Variants in RGS3 observed in about 807,000 individuals in gnomAD.
RGS3 encodes regulator of G protein signaling 3.
RGS3 carries 80 observed loss-of-function variants against 132.6 expected under a neutral mutation model. The observed-to-expected ratio is 0.60, with a 90% confidence interval of 0.50 to 0.73. RGS3 has a LOEUF of 0.73. RGS3 is among the 30% of genes least tolerant of loss of function. The probability of loss-of-function intolerance (pLI) is 0.00; values close to 1 mark genes in which losing one functional copy is unlikely to be tolerated. For missense variants in RGS3, 1,382 were observed against 1,530.8 expected, an observed-to-expected ratio of 0.90 and a Z score of 1.62; for synonymous variants, 598 against 620.6, an observed-to-expected ratio of 0.96 and a Z score of 0.54.
intron 6 of RGS3, 95 bp downstream of exon 4, chr9:113,484,327 CAAAAAAAA>C (rs775299940): frequency 1.3e-5 from 1 of 79,690 alleles, no homozygotes; most frequent in South Asian, 4.0e-4. Context: ...TAGATCTATG[CAAAAAAAA>C]AAAAAAAAAA....
At position 113,463,887 on chromosome 9, in the gene RGS3, T is replaced by A; in HGVS notation, c.415+1686T>A. On this transcript the variant is annotated intron_variant, in intron 3 of 24. Coordinates refer to ENST00000350696, the Ensembl canonical transcript of RGS3. The surrounding 1 kb of genome is among the most constrained non-coding windows in gnomAD (Gnocchi z 4.6). Reference sequence around the variant, plus strand: ...CTTCTACCTCACCACCTTTGGTAAGTGCCCGCTGGGGCTGGCGGCAGGGGC... The same window carrying A: ...CTTCTACCTCACCACCTTTGGTAAGAGCCCGCTGGGGCTGGCGGCAGGGGC... 6.2e-7 allele frequency: 1 copy of A among 1,612,822 alleles called. No homozygotes were observed. The highest frequency in any genetic ancestry group is 1.1e-5 in the South Asian group (1 of 90,926).
In RGS3 at chr9:113,579,392, T is replaced by TA. The variant is rs1307976252; in HGVS notation, c.2038-4055dup. On this transcript the variant is annotated intron_variant, in intron 19 of 24. Transcript: ENST00000350696. The surrounding 1 kb of genome is among the most constrained non-coding windows in gnomAD (Gnocchi z 4.3). Reference sequence around the variant, plus strand: ...TTTGGGAGAGGATTTGATTAGGTCCTAAACAGTGACTCCATTTAGAGGGCC... The same window carrying TA: ...TTTGGGAGAGGATTTGATTAGGTCCTAAAACAGTGACTCCATTTAGAGGGCC... Among the ~76,000 whole-genome samples, 1 of 152,240 alleles carries TA rather than the reference T, an allele frequency of 6.6e-6. No homozygotes were observed. Among genetic ancestry groups the TA allele is most frequent in the Non-Finnish European group, 1.5e-5 (1 of 68,036 alleles).
At chr9:113,518,876 G>A (rs1275474166) in intron 16 of RGS3, among the ~76,000 whole-genome samples, 2 of 152,124 alleles carry the variant, frequency 1.3e-5, no homozygotes, top group African/African-American at 4.8e-5. Flanking sequence ...ATGAGAGTGT[G>A]GTGGACCTAA....
chr9:113,554,657 A>G (rs1246213416), intron 19 of RGS3, among the ~76,000 whole-genome samples: 1 of 152,114 alleles, frequency 6.6e-6, no homozygotes, highest in Non-Finnish European at 1.5e-5. Flanking sequence ...TTGTCAGTTC[A>G]TTCATGTCAT....
At chr9:113,513,318 C>T (rs1831489970) in intron 14 of RGS3, among the ~76,000 whole-genome samples, 1 of 152,234 alleles carries the variant, frequency 6.6e-6, no homozygotes, top group Non-Finnish European at 1.5e-5. Flanking sequence ...CCGTTGCAGC[C>T]TCTGCTGTCC....
chr9:113,474,292 C>T (rs1293539318), intron 3 of RGS3, among the ~76,000 whole-genome samples: 2 of 152,130 alleles, frequency 1.3e-5, no homozygotes, highest in African/African-American at 4.8e-5. Context: ...TCCTCACCTT[C>T]GCAAACCAGG....
chr9:113,505,279 G>A (rs376623074), intron 10 of RGS3, 163 bp from the exon 9 acceptor site: 4 of 627,212 alleles, frequency 6.4e-6, no homozygotes, highest in Admixed American at 2.6e-5. Flanking sequence ...AAGTTGTCTG[G>A]GCTGAGATAG....
chr9:113,486,687 C>T, intron 7 of RGS3, among the ~76,000 whole-genome samples: 1 of 152,192 alleles, frequency 6.6e-6, no homozygotes, highest in East Asian at 1.9e-4. Context: ...TGAAAAGGGG[C>T]TTCCGTGAAT....
intron 17 of RGS3, among the ~76,000 whole-genome samples, chr9:113,525,014 T>A (rs760269984): frequency 3.9e-5 from 6 of 152,150 alleles, no homozygotes. Flanking sequence ...GCACTGTGGC[T>A]TCCTCTCCCT....
Position 113,501,538 on chromosome 9 carries a change from G to A in RGS3, c.897+3458G>A, listed in dbSNP as rs1830892550. On this transcript the variant is annotated intron_variant, in intron 10 of 24. Transcript: ENST00000350696. The stretch of plus-strand genomic sequence containing the variant: ...GGCTCCCGCTGCTGGGGGAGAGCTG[G>A]GTTTTCATGGGGCGGCAGCCGAGGC... The A allele has an allele frequency of 2.6e-6, 4 of 1,537,170 alleles. No homozygotes were observed. The East Asian group carries it at 7.2e-5, about 28-fold the overall frequency.
At chr9:113,476,629 T>C (rs1006449795) in intron 3 of RGS3, among the ~76,000 whole-genome samples, 1 of 152,196 alleles carries the variant, frequency 6.6e-6, no homozygotes, top group Non-Finnish European at 1.5e-5. Flanking sequence ...CAAACTCATC[T>C]CAATCCCGAG....
At chr9:113,561,896 G>A (rs1588253163) in intron 19 of RGS3, among the ~76,000 whole-genome samples, 1 of 152,178 alleles carries the variant, frequency 6.6e-6, no homozygotes, top group African/African-American at 2.4e-5. Flanking sequence ...TCTGCTTGGG[G>A]GTACTGTATT....
At chr9:113,556,736 AG>A (rs776376993) in intron 19 of RGS3, among the ~76,000 whole-genome samples, 4 of 152,180 alleles carry the variant, frequency 2.6e-5, no homozygotes, top group Non-Finnish European at 4.4e-5. Context: ...AGTGGGGGAA[AG>A]CTTGGGGATG....
chr9:113,473,555 A>G (rs1421041914), intron 3 of RGS3, among the ~76,000 whole-genome samples: 1 of 151,928 alleles, frequency 6.6e-6, no homozygotes, highest in East Asian at 1.9e-4. Context: ...GCTAATTTTA[A>G]AAAAACGTTT....
At chr9:113,520,412 A>G (rs1251401116) in intron 16 of RGS3, among the ~76,000 whole-genome samples, 1 of 152,098 alleles carries the variant, frequency 6.6e-6, no homozygotes, top group Non-Finnish European at 1.5e-5. Flanking sequence ...TGTCTAGACC[A>G]TATTCTCAGC....
chr9:113,461,883 C>T (rs1194344539), intron 2 of RGS3: 1 of 1,604,600 alleles, frequency 6.2e-7, no homozygotes, highest in Non-Finnish European at 8.5e-7. Flanking sequence ...TCAGGCACAT[C>T]ACCTTCCCTT....
chr9:113,506,914 G>A lies in RGS3; in HGVS notation c.1086-373G>A, dbSNP rs1831155642. Among the ~76,000 whole-genome samples, 1 of 152,138 alleles carries A rather than the reference G, an allele frequency of 6.6e-6. No individual in the cohort carries two copies. The highest frequency in any genetic ancestry group is 2.1e-4 in the South Asian group (1 of 4,830). The stretch of plus-strand genomic sequence containing the variant: ...TGATCCTCTAGGGTAAAACCCCGAT[G>A]GCCCCATTTTAGGTCTGCTTCTGGA... On this transcript the variant is annotated intron_variant, in intron 12 of 24. Transcript: ENST00000350696. This position sits in a 1 kb window ranked among gnomAD's most constrained non-coding sequence, Gnocchi z 4.7.
At chr9:113,569,803 G>T (rs1358766779) in intron 19 of RGS3, among the ~76,000 whole-genome samples, 1 of 152,110 alleles carries the variant, frequency 6.6e-6, no homozygotes, top group African/African-American at 2.4e-5. Context: ...GGTGGGGAGG[G>T]GGGTGCTGTG....
intron 19 of RGS3, among the ~76,000 whole-genome samples, chr9:113,575,660 C>CT (rs1448319993): frequency 1.3e-5 from 2 of 152,168 alleles, no homozygotes; most frequent in African/African-American, 4.8e-5. Context: ...TATCACTTCC[C>CT]TTCTCTGGGC....
Sources: allele counts gnomAD v4.1 joint callset (sites outside exome capture counted in the v4.1 genomes callset), GRCh38; gene constraint gnomAD v4.1.1; non-coding constraint Gnocchi (gnomAD v3.1); transcripts MANE v1.5; gene names NCBI Gene and HGNC (gene_info 2026-07-23, HGNC 2026-07-21).